Variants in RASGRF2 observed in about 807,000 individuals in gnomAD.
RASGRF2 encodes ras-specific guanine nucleotide-releasing factor 2.
Under a neutral mutation model 151.0 loss-of-function variants are expected in RASGRF2, and 76 were observed. That is an observed-to-expected ratio of 0.50 (90% CI 0.42 to 0.61). RASGRF2 has a LOEUF of 0.61. Ranked by LOEUF, RASGRF2 falls within the 20% of genes least tolerant of loss-of-function variation. The pLI is 0.00. For synonymous variants in RASGRF2, 504 were observed against 566.5 expected, an observed-to-expected ratio of 0.89 and a Z score of 1.57; for missense variants, 1,148 against 1,564.6, an observed-to-expected ratio of 0.73 and a Z score of 4.49.
intron 17 of RASGRF2, among the ~76,000 whole-genome samples, chr5:81,175,111 CAA>C (rs1158358604): frequency 6.6e-6 from 1 of 152,180 alleles, no homozygotes; most frequent in Non-Finnish European, 1.5e-5. Context: ...TGACCTTTGC[CAA>C]GTTTCTTAGC....
At chr5:80,986,469 A>T (rs1325195626) in intron 1 of RASGRF2, among the ~76,000 whole-genome samples, 1 of 152,222 alleles carries the variant, frequency 6.6e-6, no homozygotes, top group Non-Finnish European at 1.5e-5. Context: ...TCTAACTACC[A>T]GTACAGGTAT....
At chr5:81,002,550 G>A (rs1749113025) in intron 1 of RASGRF2, among the ~76,000 whole-genome samples, 3 of 152,140 alleles carry the variant, frequency 2.0e-5, no homozygotes, top group African/African-American at 7.2e-5. Flanking sequence ...AACAAGGGAA[G>A]GGCCTTTAAT....
Position 81,227,513 on chromosome 5 carries a change from A to C in RASGRF2, c.*1743A>C, listed in dbSNP as rs1426869043. ...TGCTTGTTTGTTCTCTTTAGTTTCA[A>C]ATAAGAGGTTGACGCATCTTGATGC... On this transcript the variant is annotated 3_prime_UTR_variant, in exon 27 of 27. Transcript: ENST00000265080. 6.6e-6 allele frequency: 1 copy of C among 152,120 alleles called. No individual in the cohort carries two copies. The highest frequency in any genetic ancestry group is 1.5e-5 in the Non-Finnish European group (1 of 68,028). The allele number at this position is 152,120 out of a possible 1,614,324, so 9.4% of individuals were successfully genotyped here. A position where few individuals can be genotyped will look rare whatever the true frequency, so the allele number is the denominator to read the frequency against.
At chr5:81,116,681 C>A (rs1409133135) in intron 15 of RASGRF2, among the ~76,000 whole-genome samples, 1 of 152,244 alleles carries the variant, frequency 6.6e-6, no homozygotes, top group South Asian at 2.1e-4. Flanking sequence ...TTGAATAATA[C>A]CCCATTTTCT....
chr5:81,056,044 G>T (rs1751197600), intron 2 of RASGRF2, among the ~76,000 whole-genome samples: 1 of 151,926 alleles, frequency 6.6e-6, no homozygotes, highest in South Asian at 2.1e-4. Flanking sequence ...CTTGCTAGTG[G>T]TCTATCAATT....
Position 81,015,397 on chromosome 5 carries a change from A to T in RASGRF2, c.289-27480A>T, listed in dbSNP as rs191241329. ...GAATCCCAGAACTTAAAGTAAAATTAAAAAACCAATAATAAATAAATAAAT... is the reference window on the plus strand; with the variant it reads ...GAATCCCAGAACTTAAAGTAAAATTTAAAAACCAATAATAAATAAATAAAT... On this transcript the variant is annotated intron_variant, in intron 1 of 26. Coordinates refer to ENST00000265080, the MANE Select transcript of RASGRF2 (RefSeq NM_006909.3). Among the ~76,000 whole-genome samples the T allele has an allele frequency of 3.8e-3, 583 of 152,260 alleles. 5 individuals carry two copies. Among genetic ancestry groups the T allele is most frequent in the African/African-American group, 0.013 (553 of 41,542 alleles).
chr5:81,193,122 A>G (rs79438175), intron 18 of RASGRF2, among the ~76,000 whole-genome samples: 148 of 152,326 alleles, frequency 9.7e-4, no homozygotes, highest in African/African-American at 3.2e-3. Context: ...AATTACTCTC[A>G]TAATTCTCTT....
In RASGRF2 at chr5:81,229,529, A is replaced by G. The variant is rs1378746448; in HGVS notation, c.*3759A>G. ...GGAAAACAGTCATTTTGTTGTAGGT[A>G]TAAACACATGAACGATTCAGAAAAT... On this transcript the variant is annotated 3_prime_UTR_variant, in exon 27 of 27. Coordinates refer to ENST00000265080, the MANE Select transcript of RASGRF2 (RefSeq NM_006909.3). The G allele has an allele frequency of 1.3e-5, 2 of 152,272 alleles. No homozygotes were observed. The highest frequency in any genetic ancestry group is 2.9e-5 in the Non-Finnish European group (2 of 68,046). The allele number at this position is 152,272 out of a possible 1,614,324, so 9.4% of individuals were successfully genotyped here.
At chr5:81,020,161 T>A (rs940875391) in intron 1 of RASGRF2, among the ~76,000 whole-genome samples, 1 of 152,198 alleles carries the variant, frequency 6.6e-6, no homozygotes, top group East Asian at 1.9e-4. Context: ...TTTTGTTGTC[T>A]TTCTGGCATG....
intron 1 of RASGRF2, among the ~76,000 whole-genome samples, chr5:80,978,385 A>G (rs191109263): frequency 6.6e-6 from 1 of 152,338 alleles, no homozygotes; most frequent in East Asian, 1.9e-4. Flanking sequence ...AGAAAACTAA[A>G]ATATTCTGAA....
At position 81,034,586 on chromosome 5, in the gene RASGRF2, T is replaced by C. The variant is rs982693884; in HGVS notation, c.289-8291T>C. ...AATGATAGACTGGATTAAGAAAATG[T>C]GGCACATATACACCATGGAATACTA... is the stretch of plus-strand genomic sequence containing the variant. On this transcript the variant is annotated intron_variant, in intron 1 of 26. Transcript: ENST00000265080. 4.9e-4 allele frequency among the ~76,000 whole-genome samples: 75 copies of C among 151,786 alleles called. No homozygotes were observed. In the Middle Eastern group the frequency reaches 0.014, roughly 28 times the overall value.
intron 15 of RASGRF2, among the ~76,000 whole-genome samples, chr5:81,121,008 T>C (rs1467464368): frequency 6.6e-6 from 1 of 152,146 alleles, no homozygotes; most frequent in Non-Finnish European, 1.5e-5. Context: ...TGTTTTTGTT[T>C]TTTTGTATTG....
At chr5:80,981,218 C>G (rs773433661) in intron 1 of RASGRF2, among the ~76,000 whole-genome samples, 1 of 152,104 alleles carries the variant, frequency 6.6e-6, no homozygotes, top group African/African-American at 2.4e-5. Context: ...CTAATTGATA[C>G]CACAGCACGG....
chr5:80,962,035 C>T (rs1747577738), intron 1 of RASGRF2, among the ~76,000 whole-genome samples: 1 of 152,198 alleles, frequency 6.6e-6, no homozygotes, highest in Non-Finnish European at 1.5e-5. Context: ...CAGACAGCAT[C>T]TACCGCACAC....
At chr5:81,102,556 G>A (rs111902700) in intron 12 of RASGRF2, among the ~76,000 whole-genome samples, 5,169 of 151,994 alleles carry the variant, frequency 0.034, 287 homozygotes, top group African/African-American at 0.12. Flanking sequence ...TTAGCCAGGC[G>A]TGGCGGCACA....
intron 17 of RASGRF2, among the ~76,000 whole-genome samples, chr5:81,171,283 G>A (rs1754651558): frequency 6.6e-6 from 1 of 152,124 alleles, no homozygotes; most frequent in South Asian, 2.1e-4. Context: ...TGTGTATGTA[G>A]GATTTTGTAG....
chr5:81,167,418 G>C (rs980363099), intron 17 of RASGRF2, among the ~76,000 whole-genome samples: 5 of 152,162 alleles, frequency 3.3e-5, no homozygotes, highest in Admixed American at 1.3e-4. Context: ...CTGCAAAACC[G>C]AGAGATTGTT....
intron 25 of RASGRF2, among the ~76,000 whole-genome samples, chr5:81,219,075 CT>C (rs201871275): frequency 0.039 from 5,051 of 130,428 alleles, 146 homozygotes; most frequent in African/African-American, 0.095. Context: ...CAGCCAGGTT[CT>C]TTTTTTTTTT....
intron 12 of RASGRF2, among the ~76,000 whole-genome samples, chr5:81,104,516 T>C (rs907592927): frequency 6.6e-6 from 1 of 152,164 alleles, no homozygotes; most frequent in African/African-American, 2.4e-5. Flanking sequence ...TTTCAGTGTA[T>C]TATTTCCCCT....
Sources: gnomAD v4.1 joint callset for allele counts (sites outside exome capture counted in the v4.1 genomes callset) on GRCh38, gnomAD v4.1.1 for gene constraint, MANE v1.5 for transcripts, NCBI Gene and HGNC (gene_info 2026-07-23, HGNC 2026-07-21) for gene names.